VWA1: variants seen among roughly 807,000 people sequenced by gnomAD.
The protein encoded by VWA1 is von Willebrand factor A domain-containing protein 1.
VWA1 carries 12 observed loss-of-function variants against 14.9 expected under a neutral mutation model. The ratio of observed to expected loss-of-function variants is 0.80; its 90% CI spans 0.52 to 1.30. The LOEUF (loss-of-function observed/expected upper bound fraction) is 1.30, where lower values mean the gene tolerates loss of function less well. VWA1 is among the 50% of genes most tolerant of loss of function. VWA1 has a pLI of 0.00. For missense variants in VWA1, 800 were observed against 649.1 expected, an observed-to-expected ratio of 1.23 and a Z score of -2.53; for synonymous variants, 368 against 310.7, an observed-to-expected ratio of 1.18 and a Z score of -1.94.
intron 2 of VWA1, 117 bp downstream of exon 2, chr1:1,437,601 C>A: frequency 2.3e-6 from 3 of 1,286,694 alleles, no homozygotes; most frequent in Non-Finnish European, 3.2e-6. Context: ...GCCTCCGGGG[C>A]TGTGGTACCC....
Position 1,439,940 on chromosome 1 carries a change from G to A in VWA1, c.*153G>A, listed in dbSNP as rs1411201058. On this transcript the variant is annotated 3_prime_UTR_variant, in exon 3 of 3. Transcript: ENST00000476993. The stretch of plus-strand genomic sequence containing the variant: ...CGACCCCGGCCCTCTCCCTGCGGCC[G>A]CAGGGCTTCCCCGCCTGGCGCCTGC... The A allele has an allele frequency of 3.2e-5, 30 of 928,710 alleles. No individual in the cohort carries two copies. In the Admixed American group the frequency reaches 9.4e-4, roughly 29 times the overall value. 57.5% of individuals were successfully genotyped at this position (928,710 alleles called of 1,614,324 possible). A position where few individuals can be genotyped will look rare whatever the true frequency, so the allele number is the denominator to read the frequency against.
chr1:1,439,884 A>T lies in VWA1; in HGVS notation c.*97A>T. ...GGCGCCCAACCCGGCAGACGGGTGC[A>T]GGCCCGGCCTTTCCCCACGCGGACT... On this transcript the variant is annotated 3_prime_UTR_variant, in exon 3 of 3. Transcript: ENST00000476993. The T allele has an allele frequency of 9.8e-7, 1 of 1,025,072 alleles. No individual in the cohort carries two copies. Among genetic ancestry groups the T allele is most frequent in the Non-Finnish European group, 1.2e-6 (1 of 855,258 alleles). The allele number at this position is 1,025,072 out of a possible 1,614,324, so 63.5% of individuals were successfully genotyped here.
chr1:1,441,369 TGCCCTCCG>T lies in VWA1; in HGVS notation c.*1584_*1591del, dbSNP rs1638667207. 6.6e-6 allele frequency: 1 copy of T among 152,294 alleles called. No individual in the cohort carries two copies. The highest frequency in any genetic ancestry group is 1.5e-5 in the Non-Finnish European group (1 of 68,086). The allele number at this position is 152,294 out of a possible 1,614,324, so 9.4% of individuals were successfully genotyped here. A position where few individuals can be genotyped will look rare whatever the true frequency, so the allele number is the denominator to read the frequency against. On this transcript the variant is annotated 3_prime_UTR_variant, in exon 3 of 3. Transcript: ENST00000476993. ...GGGGCCAGGCTCACCACGCAGAGTT[TGCCCTCCG>T]GTGTGATGATGCATGAGACACAGTA... is the stretch of plus-strand genomic sequence containing the variant.
At chr1:1,439,010 C>A (rs1638600516) in intron 2 of VWA1, 71 bp from the exon 3 acceptor site, 1 of 1,502,450 alleles carries the variant, frequency 6.7e-7, no homozygotes. Flanking sequence ...TCTTCCCCAT[C>A]AGCCAGGGCC....
In VWA1 at chr1:1,439,922, G is replaced by A; in HGVS notation, c.*135G>A. The A allele has an allele frequency of 1.0e-6, 1 of 989,060 alleles. No individual in the cohort carries two copies. The highest frequency in any genetic ancestry group is 4.8e-5 in the South Asian group (1 of 20,796). 61.3% of individuals were successfully genotyped at this position (989,060 alleles called of 1,614,324 possible). A position where few individuals can be genotyped will look rare whatever the true frequency, so the allele number is the denominator to read the frequency against. On this transcript the variant is annotated 3_prime_UTR_variant, in exon 3 of 3. Transcript: ENST00000476993. ...CCCCACGCGGACTCCGCGCGACCCC[G>A]GCCCTCTCCCTGCGGCCGCAGGGCT...
rs1638571461 is a variant in VWA1 at position 1,437,438 on chromosome 1, G to C, written c.585G>C (p.Val195=). ...PAEKHLHFVD[V]DDLHIIVQEL... ...AGAAGCACCTGCACTTTGTGGACGT[G>C]GATGACCTGCACATCATTGTCCAAG... Residue 195 remains valine, a synonymous_variant, in exon 2 of 3, where the codon GTG becomes GTC. Transcript: ENST00000476993. 1 of 1,612,452 alleles carries C rather than the reference G, an allele frequency of 6.2e-7. No individual in the cohort carries two copies. Among genetic ancestry groups the C allele is most frequent in the Non-Finnish European group, 8.5e-7 (1 of 1,179,732 alleles).
At chr1:1,437,548 T>G in intron 2 of VWA1, 64 bp downstream of exon 2, 1 of 1,537,634 alleles carries the variant, frequency 6.5e-7, no homozygotes, top group Non-Finnish European at 8.7e-7. Context: ...GAGGCTGGGT[T>G]GAGACTTTGG....
chr1:1,437,436 G>C lies in VWA1; in HGVS notation c.583G>C (p.Val195Leu). 1.9e-6 allele frequency: 3 copies of C among 1,612,452 alleles called. No homozygotes were observed. Among genetic ancestry groups the C allele is most frequent in the Non-Finnish European group, 2.5e-6 (3 of 1,179,742 alleles). ...CGAGAAGCACCTGCACTTTGTGGAC[G>C]TGGATGACCTGCACATCATTGTCCA... ...PAEKHLHFVD[V>L]DDLHIIVQEL... Residue 195 changes from valine to leucine, a missense_variant, in exon 2 of 3, where the codon GTG becomes CTG. By Grantham distance (32) the Val-to-Leu change is conservative. Coordinates refer to ENST00000476993, the MANE Select transcript of VWA1 (RefSeq NM_022834.5).
In VWA1 at chr1:1,436,985, C is replaced by A; in HGVS notation, c.132C>A (p.Ser44Arg). 6.2e-7 allele frequency: 1 copy of A among 1,612,638 alleles called. No individual in the cohort carries two copies. The highest frequency in any genetic ancestry group is 8.5e-7 in the Non-Finnish European group (1 of 1,179,892). The change falls in exon 2 of 3, where the codon AGC becomes AGA. Residue 44 changes from serine (S) to arginine (R), a missense_variant. Ser to Arg is a moderately radical substitution (Grantham distance 110). Transcript: ENST00000476993. ...TGTTCCTGCTGGACAGCTCAGCCAG[C>A]GTCTCTCACTACGAGTTCTCCCGGG... is the stretch of plus-strand genomic sequence containing the variant. ...DLMFLLDSSASVSHYEFSRVR... is the reference protein window; with the variant it reads ...DLMFLLDSSARVSHYEFSRVR...
At position 1,439,124 on chromosome 1, in the gene VWA1, C is replaced by G; in HGVS notation, c.675C>G (p.Ser225=). The G allele has an allele frequency of 1.2e-6, 2 of 1,600,804 alleles. No homozygotes were observed. ...AGCTCCATGCCACGGAGATCACGTC[C>G]AGCGGCTTCCGCCTGGCCTGGCCAC... ...PQQLHATEIT[S]SGFRLAWPPL... The change falls in exon 3 of 3, where the codon TCC becomes TCG. Residue 225 remains serine (S), a synonymous_variant. Transcript: ENST00000476993.
rs578075998 is a variant in VWA1, at chr1:1,435,694, CCGAG to C, written c.-34_-31del. ...CCGCGCGGTGACGCGCCCTGCAGCC[CCGAG>C]CGAGCGAGCGAGCGAGCGAGTTGCC... On this transcript the variant is annotated 5_prime_UTR_variant, in exon 1 of 3. Coordinates refer to ENST00000476993, the MANE Select transcript of VWA1 (RefSeq NM_022834.5). 1,167 of 1,150,450 alleles carry C rather than the reference CCGAG, an allele frequency of 1.0e-3. 4 individuals are homozygous for C. The highest frequency in any genetic ancestry group is 8.5e-3 in the Middle Eastern group (28 of 3,276). 71.3% of individuals were successfully genotyped at this position (1,150,450 alleles called of 1,614,324 possible). A position where few individuals can be genotyped will look rare whatever the true frequency, so the allele number is the denominator to read the frequency against.
At chr1:1,439,026 C>G in intron 2 of VWA1, 55 bp from the exon 3 acceptor site, 2 of 1,548,416 alleles carry the variant, frequency 1.3e-6, no homozygotes, top group Middle Eastern at 1.9e-4. Flanking sequence ...GGGCCGCCCT[C>G]CAGCAGCGGA....
Position 1,439,754 on chromosome 1 carries a change from C to G in VWA1, c.1305C>G (p.Ala435=). ...PRPRPRPVPR[A]PTPGTASREP is the part of the protein sequence containing the mutation. Reference sequence around the variant, plus strand: ...CGCGCCCACGCCCCGTGCCCCGCGCCCCGACCCCGGGGACCGCCAGCCGTG... The same window carrying G: ...CGCGCCCACGCCCCGTGCCCCGCGCGCCGACCCCGGGGACCGCCAGCCGTG... The change falls in exon 3 of 3, where the codon GCC becomes GCG. Residue 435 remains alanine, a synonymous_variant. Transcript: ENST00000476993. 4.6e-6 allele frequency: 5 copies of G among 1,089,882 alleles called. No individual in the cohort carries two copies. Among genetic ancestry groups the G allele is most frequent in the Non-Finnish European group, 4.5e-6 (4 of 898,334 alleles). The allele number at this position is 1,089,882 out of a possible 1,614,324, so 67.5% of individuals were successfully genotyped here.
Position 1,438,166 on chromosome 1 carries a change from C to T in VWA1, c.631+682C>T, listed in dbSNP as rs576102987. Among the ~76,000 whole-genome samples the T allele has an allele frequency of 2.6e-5, 4 of 152,308 alleles. No individual in the cohort carries two copies. The East Asian group carries it at 5.8e-4, about 22-fold the overall frequency. ...AACCCTGGGGATCTCACCAAGTCTC[C>T]GTCTGTGGGTTAATCATCCACCCAG... On this transcript the variant is annotated intron_variant, in intron 2 of 2. Transcript: ENST00000476993.
chr1:1,436,942 C>T lies in VWA1; in HGVS notation c.89C>T (p.Ala30Val), dbSNP rs764874190. ...TTTCCCCCAGGTCCACCAGCATCAG[C>T]CCCCCGAGGGGACCTGATGTTCCTG... The part of the protein sequence containing the change: ...SGAERGPPAS[A>V]PRGDLMFLLD... The change falls in exon 2 of 3, where the codon GCC (alanine) becomes GTC (valine). Residue 30 changes from alanine to valine, a missense_variant. Ala to Val is a moderately conservative substitution (Grantham distance 64). Transcript: ENST00000476993. 1.2e-5 allele frequency: 19 copies of T among 1,599,776 alleles called. 1 individual carries two copies. The Admixed American group carries it at 2.6e-4, about 22-fold the overall frequency.
chr1:1,439,725 C>A lies in VWA1; in HGVS notation c.1276C>A (p.Arg426Ser). 1 of 1,134,320 alleles carries A rather than the reference C, an allele frequency of 8.8e-7. No individual in the cohort carries two copies. The highest frequency in any genetic ancestry group is 1.1e-6 in the Non-Finnish European group (1 of 924,448). 70.3% of individuals were successfully genotyped at this position (1,134,320 alleles called of 1,614,324 possible). A position where few individuals can be genotyped will look rare whatever the true frequency, so the allele number is the denominator to read the frequency against. ...CAAGGCCTGCACGCCCGACGGCCCG[C>A]GCCCGCGCCCACGCCCCGTGCCCCG... ...SAKACTPDGP[R>S]PRPRPVPRAP... The change falls in exon 3 of 3, where the codon CGC (arginine) becomes AGC (serine). Residue 426 changes from arginine (R) to serine (S), a missense_variant. Coordinates refer to ENST00000476993, the MANE Select transcript of VWA1 (RefSeq NM_022834.5).
chr1:1,437,567 CA>C lies in VWA1; in HGVS notation c.631+84del, dbSNP rs1570122944. On this transcript the variant is annotated intron_variant, in intron 2 of 2. Coordinates refer to ENST00000476993, the MANE Select transcript of VWA1 (RefSeq NM_022834.5). ...CTGGGTTGAGACTTTGGGAAGATCT[CA>C]TGTCCCCAGAGCAGCGGCCAGGGCC... 9 of 1,508,936 alleles carry C rather than the reference CA, an allele frequency of 6.0e-6. No homozygotes were observed. The East Asian group carries it at 2.0e-4, about 34-fold the overall frequency. 93.5% of individuals were successfully genotyped at this position (1,508,936 alleles called of 1,614,324 possible). A position where few individuals can be genotyped will look rare whatever the true frequency, so the allele number is the denominator to read the frequency against.
In VWA1 at chr1:1,437,085, G is replaced by T. The variant is rs1282758727; in HGVS notation, c.232G>T (p.Val78Leu). The change falls in exon 2 of 3, where the codon GTG (valine) becomes TTG (leucine). Residue 78 changes from valine (V) to leucine (L), a missense_variant. Transcript: ENST00000476993. The stretch of plus-strand genomic sequence containing the variant: ...GGCCCTGCGTGCCAGTCTGGTGCAC[G>T]TGGGCAGTCGGCCATACACCGAGTT... ...TGALRASLVH[V>L]GSRPYTEFPF... 1 of 1,607,174 alleles carries T rather than the reference G, an allele frequency of 6.2e-7. No individual in the cohort carries two copies. The highest frequency in any genetic ancestry group is 1.7e-5 in the Admixed American group (1 of 59,684).
intron 1 of VWA1, 169 bp from the exon 2 acceptor site, chr1:1,436,758 C>G: frequency 1.5e-6 from 1 of 664,092 alleles, no homozygotes; most frequent in Non-Finnish European, 2.5e-6. Context: ...CAGTGAAACC[C>G]CCAAAAGTAC....
Sources: allele counts gnomAD v4.1 joint callset (sites outside exome capture counted in the v4.1 genomes callset), GRCh38; gene constraint gnomAD v4.1.1; transcripts MANE v1.5; gene names NCBI Gene and HGNC (gene_info 2026-07-23, HGNC 2026-07-21).